The following TAOK3 variants were observed in gnomAD, a reference collection of about 807,000 sequenced individuals.
The protein encoded by TAOK3 is TAO kinase 3, also known as serine/threonine-protein kinase TAO3.
Under a neutral mutation model 120.4 loss-of-function variants are expected in TAOK3, and 40 were observed. The observed-to-expected ratio is 0.33, with a 90% CI of 0.26 to 0.43. TAOK3 has a LOEUF of 0.43. Ranked by LOEUF, TAOK3 falls within the 20% of genes least tolerant of loss-of-function variation. The pLI is 1.00. For missense variants in TAOK3, 821 were observed against 1,112.1 expected (o/e 0.74, Z 3.72); for synonymous variants, 355 against 387.5 (o/e 0.92, Z 0.99).
intron 1 of TAOK3, chr12:118,283,636 C>T (rs12311160): frequency 0.052 from 8,155 of 156,000 alleles, 490 homozygotes; most frequent in African/African-American, 0.14. Context: ...AGGCTGAGGC[C>T]GGAGAATTGC....
chr12:118,274,812 T>C (rs1330582126), intron 1 of TAOK3, among the ~76,000 whole-genome samples: 1 of 151,560 alleles, frequency 6.6e-6, no homozygotes, highest in Non-Finnish European at 1.5e-5. Flanking sequence ...TTTTTTTTTT[T>C]AGTAGAGACA....
chr12:118,240,353 AT>A (rs1173451827), intron 5 of TAOK3, among the ~76,000 whole-genome samples: 9 of 151,386 alleles, frequency 5.9e-5, no homozygotes, highest in Non-Finnish European at 1.3e-4. Flanking sequence ...CTAATTTTGT[AT>A]TTTTAGTAGA....
In TAOK3 at chr12:118,231,252, A is replaced by C. The variant is rs574657278; in HGVS notation, c.643+2422T>G. ...GGGGTGGTGTAGGAACTGTGTAGAT[A>C]GGGCAGGGGTGGAAGAAGATCTTTC... On this transcript the variant is annotated intron_variant, in intron 9 of 20. Transcript: ENST00000392533. 3.3e-5 allele frequency among the ~76,000 whole-genome samples: 5 copies of C among 151,450 alleles called. No homozygotes were observed. The East Asian group carries it at 9.8e-4, about 30-fold the overall frequency.
chr12:118,212,292 A>G (rs950853264), intron 11 of TAOK3, among the ~76,000 whole-genome samples: 1 of 152,236 alleles, frequency 6.6e-6, no homozygotes, highest in South Asian at 2.1e-4. Context: ...AAAAGAAAAC[A>G]CTTCTACTGT....
At chr12:118,367,817 AG>A (rs1459199558) in intron 1 of TAOK3, among the ~76,000 whole-genome samples, 1 of 151,942 alleles carries the variant, frequency 6.6e-6, no homozygotes, top group Non-Finnish European at 1.5e-5. Flanking sequence ...AATGAAAACT[AG>A]GGAAAAAATT....
At chr12:118,234,212 ATTTTTTTTTTTTTTTTTT>A (rs763473530) in intron 8 of TAOK3, among the ~76,000 whole-genome samples, 28 of 58,344 alleles carry the variant, frequency 4.8e-4, no homozygotes, top group Middle Eastern at 0.021. Flanking sequence ...AAAGCAGGAA[ATTTTTTTTTTTTTTTTTT>A]TTTTTTTTTT....
chr12:118,241,973 G>A (rs1206132456), intron 5 of TAOK3, among the ~76,000 whole-genome samples: 2 of 151,948 alleles, frequency 1.3e-5, no homozygotes, highest in African/African-American at 4.8e-5. Context: ...AGCCGGGTGT[G>A]GTACTCCGGT....
At chr12:118,304,273 C>T (rs1425174809) in intron 1 of TAOK3, among the ~76,000 whole-genome samples, 1 of 152,136 alleles carries the variant, frequency 6.6e-6, no homozygotes. Flanking sequence ...AGAGCACATA[C>T]TTCCCCCTTT....
rs140453251 is a variant in TAOK3 at position 118,238,897 on chromosome 12, AAC to A, written c.340+328_340+329del. Among the ~76,000 whole-genome samples, 1,122 of 152,324 alleles carry A rather than the reference AAC, an allele frequency of 7.4e-3. 16 individuals are homozygous for A. The highest frequency in any genetic ancestry group is 0.026 in the African/African-American group (1,065 of 41,574). On this transcript the variant is annotated intron_variant, in intron 6 of 20. Coordinates refer to ENST00000392533, the MANE Select transcript of TAOK3 (RefSeq NM_016281.4). ...TCAGTCAAGATTTCTGAAAGGGTTT[AAC>A]ATCAATATAACGTGAGACTATCTAC...
intron 1 of TAOK3, among the ~76,000 whole-genome samples, chr12:118,352,484 G>A (rs984524986): frequency 6.0e-5 from 9 of 148,914 alleles, no homozygotes; most frequent in East Asian, 2.0e-4. Context: ...TAGCCTGGGC[G>A]ACACAGCGAG....
intron 1 of TAOK3, among the ~76,000 whole-genome samples, chr12:118,356,425 G>A (rs1055713598): frequency 1.3e-5 from 2 of 150,268 alleles, no homozygotes; most frequent in African/African-American, 4.9e-5. Context: ...TCAGCCTTCC[G>A]AGTAACTGGG....
intron 15 of TAOK3, among the ~76,000 whole-genome samples, chr12:118,178,521 G>T (rs1197381807): frequency 6.6e-6 from 1 of 151,936 alleles, no homozygotes; most frequent in Non-Finnish European, 1.5e-5. Context: ...GCGGTGGCAT[G>T]ATCTCGGCTC....
In TAOK3 at chr12:118,278,960, C is replaced by CT. The variant is rs779906485; in HGVS notation, c.-193-12202_-193-12201insA. Among the ~76,000 whole-genome samples, 1,053 of 152,244 alleles carry CT rather than the reference C, an allele frequency of 6.9e-3. 7 individuals carry two copies. Among genetic ancestry groups the CT allele is most frequent in the Non-Finnish European group, 0.01 (710 of 68,014 alleles). On this transcript the variant is annotated intron_variant, in intron 1 of 20. Transcript: ENST00000392533. ...TAGCTGGGATTACAGGCATGCACCACCACACTCAGCTATTTTTTATATTTT... is the reference window on the plus strand; with the variant it reads ...TAGCTGGGATTACAGGCATGCACCACTCACACTCAGCTATTTTTTATATTTT...
At chr12:118,227,714 C>T (rs2039574536) in intron 9 of TAOK3, among the ~76,000 whole-genome samples, 1 of 152,158 alleles carries the variant, frequency 6.6e-6, no homozygotes, top group African/African-American at 2.4e-5. Flanking sequence ...TACACAGTCC[C>T]AGGAGGGATC....
At chr12:118,269,383 C>CTTTTTTTTTTTTTTT (rs1174725563) in intron 1 of TAOK3, among the ~76,000 whole-genome samples, 1 of 103,886 alleles carries the variant, frequency 9.6e-6, no homozygotes, top group African/African-American at 3.9e-5. Flanking sequence ...TCTCTCTCTT[C>CTTTTTTTTTTTTTTT]TTTTTTTTTT....
intron 1 of TAOK3, among the ~76,000 whole-genome samples, chr12:118,289,489 AAT>A (rs2140505946): frequency 6.6e-6 from 1 of 152,202 alleles, no homozygotes; most frequent in African/African-American, 2.4e-5. Context: ...CTTAAAAAAA[AAT>A]AGAGTATACA....
At chr12:118,332,197 C>T (rs1302026861) in intron 1 of TAOK3, among the ~76,000 whole-genome samples, 3 of 152,146 alleles carry the variant, frequency 2.0e-5, no homozygotes, top group Admixed American at 1.3e-4. Flanking sequence ...AGAGTTTATA[C>T]TAATTGTTTC....
At chr12:118,291,960 C>T (rs554952333) in intron 1 of TAOK3, among the ~76,000 whole-genome samples, 29 of 152,160 alleles carry the variant, frequency 1.9e-4, no homozygotes, top group Admixed American at 4.6e-4. Flanking sequence ...ACTACAGGTG[C>T]GTGCCAACAC....
intron 1 of TAOK3, among the ~76,000 whole-genome samples, chr12:118,292,014 C>T (rs7960802): frequency 0.075 from 11,363 of 152,042 alleles, 524 homozygotes; most frequent in Non-Finnish European, 0.11. Flanking sequence ...GGGGTTTCAC[C>T]GTGAGGATGA....
Sources: allele counts gnomAD v4.1 joint callset (sites outside exome capture counted in the v4.1 genomes callset), GRCh38; gene constraint gnomAD v4.1.1; transcripts MANE v1.5; gene names NCBI Gene and HGNC (gene_info 2026-07-23, HGNC 2026-07-21).